The following GNA14 variants were observed in gnomAD, a reference collection of about 807,000 sequenced individuals.
GNA14 encodes the protein G protein subunit alpha 14, also known as guanine nucleotide-binding protein subunit alpha-14.
GNA14 carries 50 observed loss-of-function variants against 42.0 expected under a neutral mutation model. The observed-to-expected ratio is 1.19, with a 90% confidence interval of 0.95 to 1.51. The LOEUF (loss-of-function observed/expected upper bound fraction) is 1.51. GNA14 is among the 40% of genes most tolerant of loss of function. The pLI, the probability that GNA14 is intolerant of heterozygous loss-of-function variation, is 0.00. For synonymous variants in GNA14, 173 were observed against 163.1 expected, an observed-to-expected ratio of 1.06 and a Z score of -0.46; for missense variants, 473 against 446.2, an observed-to-expected ratio of 1.06 and a Z score of -0.54.
intron 2 of GNA14, among the ~76,000 whole-genome samples, chr9:77,470,006 G>T (rs974102150): frequency 6.6e-6 from 1 of 152,208 alleles, no homozygotes; most frequent in Admixed American, 6.5e-5. Flanking sequence ...AAGCAGATCT[G>T]CTTGGACTCA....
At chr9:77,444,498 C>T (rs1431747575) in intron 2 of GNA14, among the ~76,000 whole-genome samples, 1 of 152,166 alleles carries the variant, frequency 6.6e-6, no homozygotes, top group African/African-American at 2.4e-5. Context: ...CCCCAGAATC[C>T]ACTTGGTTTT....
Position 77,523,920 on chromosome 9 carries a change from C to A in GNA14, c.309+5149G>T, listed in dbSNP as rs1211409984. On this transcript the variant is annotated intron_variant, in intron 2 of 6. Transcript: ENST00000341700. ...TTTTTTTCCTTCACTGTAGGACAGG[C>A]CTAGAATGAGAACTTCCCAAGTTCA... Among the ~76,000 whole-genome samples the A allele has an allele frequency of 2.0e-5, 3 of 152,148 alleles. No homozygotes were observed. The East Asian group carries it at 5.8e-4, about 29-fold the overall frequency.
intron 2 of GNA14, among the ~76,000 whole-genome samples, chr9:77,479,719 A>G (rs1012012085): frequency 6.6e-6 from 1 of 151,942 alleles, no homozygotes; most frequent in Non-Finnish European, 1.5e-5. Flanking sequence ...ATTCTCTTTT[A>G]TTTCATTGAG....
At chr9:77,584,634 C>T (rs1013881094) in intron 1 of GNA14, among the ~76,000 whole-genome samples, 5 of 151,986 alleles carry the variant, frequency 3.3e-5, no homozygotes, top group African/African-American at 1.2e-4. Flanking sequence ...AGATCCAGAC[C>T]CCAGGAAAGG....
chr9:77,444,910 C>T lies in GNA14; in HGVS notation c.310-10388G>A, dbSNP rs186083238. Among the ~76,000 whole-genome samples, 918 of 152,340 alleles carry T rather than the reference C, an allele frequency of 6.0e-3. 3 individuals are homozygous for T. Among genetic ancestry groups the T allele is most frequent in the Non-Finnish European group, 9.5e-3 (644 of 68,040 alleles). On this transcript the variant is annotated intron_variant, in intron 2 of 6. Coordinates refer to ENST00000341700, the MANE Select transcript of GNA14 (RefSeq NM_004297.4). ...TCGTTCACCACTCAGTGCACAGCGTCCTGCCCCTGCTCCATGCCAGATCCA... is the reference window on the plus strand; with the variant it reads ...TCGTTCACCACTCAGTGCACAGCGTTCTGCCCCTGCTCCATGCCAGATCCA...
At chr9:77,508,854 G>C (rs1486305057) in intron 2 of GNA14, among the ~76,000 whole-genome samples, 1 of 152,134 alleles carries the variant, frequency 6.6e-6, no homozygotes, top group Admixed American at 6.5e-5. Context: ...GCTCCTATTG[G>C]CCAATTTCCA....
At chr9:77,589,900 G>A (rs1267933655) in intron 1 of GNA14, among the ~76,000 whole-genome samples, 1 of 152,114 alleles carries the variant, frequency 6.6e-6, no homozygotes, top group Non-Finnish European at 1.5e-5. Context: ...AAAGGATAAG[G>A]AAACCAGTAC....
chr9:77,586,816 T>TA (rs969410394), intron 1 of GNA14, among the ~76,000 whole-genome samples: 1 of 152,202 alleles, frequency 6.6e-6, no homozygotes, highest in African/African-American at 2.4e-5. Context: ...CCTGTTCCTT[T>TA]ACGGTACCCG....
At chr9:77,624,105 G>A (rs1293466450) in intron 1 of GNA14, among the ~76,000 whole-genome samples, 1 of 152,182 alleles carries the variant, frequency 6.6e-6, no homozygotes, top group Admixed American at 6.5e-5. Context: ...CGCCATTACT[G>A]AGGTTTGAGT....
intron 2 of GNA14, among the ~76,000 whole-genome samples, chr9:77,449,846 A>G (rs1835876280): frequency 1.3e-5 from 2 of 152,250 alleles, no homozygotes; most frequent in Non-Finnish European, 2.9e-5. Context: ...AAAACGCCAG[A>G]GCATAATCTC....
At chr9:77,613,586 G>A (rs1823764303) in intron 1 of GNA14, among the ~76,000 whole-genome samples, 3 of 152,180 alleles carry the variant, frequency 2.0e-5, no homozygotes, top group South Asian at 4.1e-4. Context: ...TTGGGGAGGG[G>A]AAGAATGTTT....
chr9:77,632,670 G>A (rs1587855304), intron 1 of GNA14, among the ~76,000 whole-genome samples: 1 of 152,258 alleles, frequency 6.6e-6, no homozygotes, highest in East Asian at 1.9e-4. Context: ...ATGTTCCCCA[G>A]TGCCAGCAGT....
At position 77,641,102 on chromosome 9, in the gene GNA14, AAGGAAGGAAGGAAGGAAGGAAGGAAG is replaced by A. The variant is rs1824257804; in HGVS notation, c.124+6542_124+6567del. Among the ~76,000 whole-genome samples, 3 of 1,048 alleles carry A rather than the reference AAGGAAGGAAGGAAGGAAGGAAGGAAG, an allele frequency of 2.9e-3. 1 individual carries two copies. In the East Asian group the frequency reaches 0.05, roughly 17 times the overall value. The allele number at this position is 1,048 out of a possible 152,430, so 0.7% of individuals were successfully genotyped here. A position where few individuals can be genotyped will look rare whatever the true frequency, so the allele number is the denominator to read the frequency against. ...GAGGGGAGGGGAGGGGAGGGGGGGG[AAGGAAGGAAGGAAGGAAGGAAGGAAG>A]GAAGGAAGGAAGGAAGGAAGGAAGG... On this transcript the variant is annotated intron_variant, in intron 1 of 6. Transcript: ENST00000341700.
At chr9:77,444,510 G>A (rs562186739) in intron 2 of GNA14, among the ~76,000 whole-genome samples, 33 of 152,260 alleles carry the variant, frequency 2.2e-4, no homozygotes, top group African/African-American at 6.3e-4. Flanking sequence ...CTTGGTTTTC[G>A]TGGGTTCTGC....
intron 2 of GNA14, among the ~76,000 whole-genome samples, chr9:77,475,746 T>C (rs1353766678): frequency 6.6e-6 from 1 of 152,208 alleles, no homozygotes; most frequent in African/African-American, 2.4e-5. Context: ...ACATGCATTC[T>C]TGGGTCTCTG....
At chr9:77,446,252 C>G (rs897707291) in intron 2 of GNA14, among the ~76,000 whole-genome samples, 1 of 152,230 alleles carries the variant, frequency 6.6e-6, no homozygotes, top group African/African-American at 2.4e-5. Flanking sequence ...GGGTTATTTT[C>G]ACGGCCCTTC....
chr9:77,428,970 G>C lies in GNA14; in HGVS notation c.660C>G (p.Thr220=), dbSNP rs199888332. 6.2e-7 allele frequency: 1 copy of C among 1,613,624 alleles called. No individual in the cohort carries two copies. The highest frequency in any genetic ancestry group is 1.7e-5 in the Admixed American group (1 of 60,008). ...RKWIHCFESV[T]SIIFLVALSE... The stretch of plus-strand genomic sequence containing the variant: ...TCAGAGCAACCAAGAAAATAATGGA[G>C]GTGACACTCTCAAAGCAGTGAATCC... The change falls in exon 5 of 7, where the codon ACC becomes ACG. Residue 220 remains threonine, a synonymous_variant. Transcript: ENST00000341700.
At chr9:77,536,660 CTT>C (rs1837603160) in intron 1 of GNA14, among the ~76,000 whole-genome samples, 2 of 152,242 alleles carry the variant, frequency 1.3e-5, no homozygotes, top group South Asian at 4.2e-4. Flanking sequence ...TTATTAGTCT[CTT>C]GATTCGTTAA....
At chr9:77,545,097 A>C (rs1482830822) in intron 1 of GNA14, among the ~76,000 whole-genome samples, 1 of 152,236 alleles carries the variant, frequency 6.6e-6, no homozygotes, top group Non-Finnish European at 1.5e-5. Flanking sequence ...GAGACAATAG[A>C]CTTAAAATCC....
Sources: gnomAD v4.1 joint callset for allele counts (sites outside exome capture counted in the v4.1 genomes callset) on GRCh38, gnomAD v4.1.1 for gene constraint, MANE v1.5 for transcripts, NCBI Gene and HGNC (gene_info 2026-07-23, HGNC 2026-07-21) for gene names.